MRPL48: variants seen among roughly 807,000 people sequenced by gnomAD.
MRPL48 encodes the protein large ribosomal subunit protein mL48.
In MRPL48, 16 loss-of-function variants were observed where a neutral mutation model predicts 32.9. The observed-to-expected ratio is 0.49, with a 90% CI of 0.33 to 0.74. The LOEUF (loss-of-function observed/expected upper bound fraction) is 0.74, where lower values mean the gene tolerates loss of function less well. Among genes scored for constraint, MRPL48 ranks in the 30% least tolerant of loss-of-function variants. MRPL48 has a pLI of 0.02. For synonymous variants in MRPL48, 94 were observed against 89.2 expected (o/e 1.05, Z -0.31); for missense variants, 206 against 245.3 (o/e 0.84, Z 1.07).
intron 1 of MRPL48, among the ~76,000 whole-genome samples, chr11:73,797,859 C>T (rs1464182025): frequency 2.0e-5 from 3 of 152,168 alleles, no homozygotes; most frequent in Non-Finnish European, 4.4e-5. Flanking sequence ...AAAAATGACA[C>T]TCCAAAAATC....
At chr11:73,831,558 G>A (rs1947994366) in intron 4 of MRPL48, among the ~76,000 whole-genome samples, 1 of 151,994 alleles carries the variant, frequency 6.6e-6, no homozygotes, top group African/African-American at 2.4e-5. Context: ...CTGTCTCAAA[G>A]TGTAGATCTC....
intron 3 of MRPL48, among the ~76,000 whole-genome samples, chr11:73,823,409 CAT>C (rs1376836104): frequency 1.3e-5 from 2 of 152,060 alleles, no homozygotes; most frequent in Non-Finnish European, 2.9e-5. Flanking sequence ...CACACATACA[CAT>C]GTTATCCTTT....
At chr11:73,803,157 T>C (rs2134957381) in intron 1 of MRPL48, among the ~76,000 whole-genome samples, 1 of 152,282 alleles carries the variant, frequency 6.6e-6, no homozygotes, top group East Asian at 1.9e-4. Context: ...AGACAGAGTC[T>C]TGCTCTGTTG....
At chr11:73,860,264 G>C in intron 6 of MRPL48, 1 of 279,998 alleles carries the variant, frequency 3.6e-6, no homozygotes, top group Non-Finnish European at 6.8e-6. Context: ...TGATCTGTTG[G>C]CTGAGGCTTG....
intron 3 of MRPL48, among the ~76,000 whole-genome samples, chr11:73,812,795 G>T (rs556435331): frequency 1.3e-5 from 2 of 149,568 alleles, no homozygotes; most frequent in African/African-American, 4.9e-5. Context: ...TGTCACCCAG[G>T]CTGGAGTACA....
chr11:73,816,726 A>G (rs1418445507), intron 3 of MRPL48, among the ~76,000 whole-genome samples: 2 of 151,838 alleles, frequency 1.3e-5, no homozygotes. Context: ...GGCCTCCTAA[A>G]TTGTTGGGAT....
chr11:73,816,651 A>G (rs934127852), intron 3 of MRPL48, among the ~76,000 whole-genome samples: 1 of 150,466 alleles, frequency 6.6e-6, no homozygotes, highest in African/African-American at 2.5e-5. Context: ...TTTAGTAGAG[A>G]CGGGGTTTCT....
intron 5 of MRPL48, among the ~76,000 whole-genome samples, chr11:73,846,334 T>C (rs574945933): frequency 6.6e-6 from 1 of 152,138 alleles, no homozygotes; most frequent in East Asian, 1.9e-4. Flanking sequence ...TTTTTTGTTT[T>C]TTGAGACAGA....
chr11:73,796,964 G>A (rs1262497102), intron 1 of MRPL48, among the ~76,000 whole-genome samples: 1 of 152,182 alleles, frequency 6.6e-6, no homozygotes, highest in Non-Finnish European at 1.5e-5. Context: ...CTACTTAGGA[G>A]GTCGAGGCAG....
At chr11:73,808,559 A>T (rs1202648720) in intron 3 of MRPL48, among the ~76,000 whole-genome samples, 1 of 152,222 alleles carries the variant, frequency 6.6e-6, no homozygotes, top group Non-Finnish European at 1.5e-5. Flanking sequence ...TTTGGATTCC[A>T]ACTGTACTAC....
intron 4 of MRPL48, 22 bp downstream of exon 4, chr11:73,825,818 T>A: frequency 6.5e-7 from 1 of 1,543,224 alleles, no homozygotes. Flanking sequence ...GGGGAGTCTT[T>A]TGGAAAAGGA....
At chr11:73,808,471 A>C in intron 3 of MRPL48, 121 bp downstream of exon 3, 2 of 938,020 alleles carry the variant, frequency 2.1e-6, no homozygotes, top group Non-Finnish European at 3.3e-6. Context: ...ACCAAACCCC[A>C]CCCCTCCATG....
chr11:73,788,723 C>T (rs551102137), intron 1 of MRPL48, among the ~76,000 whole-genome samples: 76 of 152,196 alleles, frequency 5.0e-4, no homozygotes, highest in African/African-American at 1.7e-3. Flanking sequence ...CTGCCCGCCT[C>T]GGCCTCCCAA....
At chr11:73,836,312 C>T (rs1590980781) in intron 4 of MRPL48, among the ~76,000 whole-genome samples, 1 of 152,178 alleles carries the variant, frequency 6.6e-6, no homozygotes, top group African/African-American at 2.4e-5. Context: ...CTCCCTGCCT[C>T]AGCTTCCCAA....
rs185116081 is a variant in MRPL48 at position 73,857,119 on chromosome 11, C to T, written c.372-2788C>T. ...ATCTCTTTAAAACACTCACAGTGAG[C>T]TCCTTGAAAGCATAGACCTTTTTTT... On this transcript the variant is annotated intron_variant, in intron 5 of 7. Transcript: ENST00000310614. Among the ~76,000 whole-genome samples the T allele has an allele frequency of 4.0e-4, 61 of 151,114 alleles. No individual in the cohort carries two copies. The East Asian group carries it at 0.011, about 27-fold the overall frequency.
At chr11:73,849,937 A>C (rs905315859) in intron 5 of MRPL48, among the ~76,000 whole-genome samples, 1 of 152,084 alleles carries the variant, frequency 6.6e-6, no homozygotes. Flanking sequence ...GTCTCTACAT[A>C]AAAAATACAA....
Position 73,831,940 on chromosome 11 carries a change from CAAAAA to C in MRPL48, c.201+6163_201+6167del, listed in dbSNP as rs4019304. 4.5e-3 allele frequency among the ~76,000 whole-genome samples: 304 copies of C among 67,088 alleles called. 1 individual carries two copies. The highest frequency in any genetic ancestry group is 0.018 in the African/African-American group (282 of 15,784). The allele number at this position is 67,088 out of a possible 152,430, so 44.0% of individuals were successfully genotyped here. On this transcript the variant is annotated intron_variant, in intron 4 of 7. Transcript: ENST00000310614. ...GGGCAACAAGAGTGAAACTCTGTCT[CAAAAA>C]AAAAAAAAAAAAAAAAAAGTAAAAA...
rs138337879 is a variant in MRPL48, at chr11:73,821,519, T to C, written c.113-4189T>C. On this transcript the variant is annotated intron_variant, in intron 3 of 7. Coordinates refer to ENST00000310614, the MANE Select transcript of MRPL48 (RefSeq NM_016055.6). ...ATCCTCTTGCTCTACTTTAAAATTATCTCTGGCTCTTTCTCTGCCTATACC... is the reference window on the plus strand; with the variant it reads ...ATCCTCTTGCTCTACTTTAAAATTACCTCTGGCTCTTTCTCTGCCTATACC... 2.0e-5 allele frequency among the ~76,000 whole-genome samples: 3 copies of C among 152,314 alleles called. No homozygotes were observed. The East Asian group carries it at 5.8e-4, about 29-fold the overall frequency.
intron 4 of MRPL48, among the ~76,000 whole-genome samples, chr11:73,832,084 T>C (rs1241191704): frequency 6.6e-6 from 1 of 152,032 alleles, no homozygotes; most frequent in Non-Finnish European, 1.5e-5. Context: ...AGCTTAATAA[T>C]CTGAAAATTG....
Sources: allele counts gnomAD v4.1 joint callset (sites outside exome capture counted in the v4.1 genomes callset), GRCh38; gene constraint gnomAD v4.1.1; transcripts MANE v1.5; gene names NCBI Gene and HGNC (gene_info 2026-07-23, HGNC 2026-07-21).